The following TSHZ2 variants were observed in gnomAD, a reference collection of about 807,000 sequenced individuals.
The protein encoded by TSHZ2 is teashirt homolog 2.
TSHZ2 carries 21 observed loss-of-function variants against 74.4 expected under a neutral mutation model. That is an observed-to-expected ratio of 0.28 (90% CI 0.20 to 0.41). TSHZ2 has a LOEUF of 0.41. TSHZ2 is among the 10% of genes least tolerant of loss of function. The pLI, the probability that TSHZ2 is intolerant of heterozygous loss-of-function variation, is 1.00. For missense variants in TSHZ2, 1,244 were observed against 1,293.5 expected, an observed-to-expected ratio of 0.96 and a Z score of 0.59; for synonymous variants, 540 against 515.3, an observed-to-expected ratio of 1.05 and a Z score of -0.65.
At chr20:53,199,245 C>T (rs973106111) in intron 1 of TSHZ2, among the ~76,000 whole-genome samples, 1 of 152,012 alleles carries the variant, frequency 6.6e-6, no homozygotes, top group Admixed American at 6.5e-5. Flanking sequence ...TTCCTGTAAT[C>T]CCAGCACTTT....
At chr20:52,973,747 T>G (rs560846369) in intron 1 of TSHZ2, among the ~76,000 whole-genome samples, 1 of 152,084 alleles carries the variant, frequency 6.6e-6, no homozygotes, top group South Asian at 2.1e-4. Flanking sequence ...CTCCTCTCAC[T>G]GGGGCTTGGG....
chr20:53,345,426 C>T (rs928278495), intron 2 of TSHZ2, among the ~76,000 whole-genome samples: 1 of 152,004 alleles, frequency 6.6e-6, no homozygotes, highest in African/African-American at 2.4e-5. Context: ...TGTCTGGTCC[C>T]CCGTCCCCCA....
intron 1 of TSHZ2, among the ~76,000 whole-genome samples, chr20:53,122,422 A>C (rs1487151798): frequency 6.6e-6 from 1 of 152,202 alleles, no homozygotes; most frequent in Non-Finnish European, 1.5e-5. Context: ...AAAAAACGAA[A>C]GATCTACAAA....
chr20:53,008,712 G>C (rs943277911), intron 1 of TSHZ2, among the ~76,000 whole-genome samples: 2 of 152,004 alleles, frequency 1.3e-5, no homozygotes, highest in Non-Finnish European at 2.9e-5. Context: ...TCGATATAAA[G>C]GCCAACTTAG....
At chr20:53,360,351 C>T (rs1364943742) in intron 2 of TSHZ2, among the ~76,000 whole-genome samples, 2 of 152,170 alleles carry the variant, frequency 1.3e-5, no homozygotes, top group Non-Finnish European at 2.9e-5. Flanking sequence ...ATTGGTGGAA[C>T]GTGCTCATCT....
At chr20:53,110,408 C>A (rs1215635806) in intron 1 of TSHZ2, among the ~76,000 whole-genome samples, 1 of 152,126 alleles carries the variant, frequency 6.6e-6, no homozygotes, top group Non-Finnish European at 1.5e-5. Flanking sequence ...TCTTCTCTAT[C>A]CCTTTAGCAT....
chr20:53,240,163 T>C (rs1221005685), intron 1 of TSHZ2, among the ~76,000 whole-genome samples: 1 of 152,110 alleles, frequency 6.6e-6, no homozygotes, highest in East Asian at 1.9e-4. Context: ...TATATGAAAA[T>C]AGGAAAAACA....
At chr20:53,432,477 G>A (rs1480354708) in intron 2 of TSHZ2, among the ~76,000 whole-genome samples, 2 of 152,154 alleles carry the variant, frequency 1.3e-5, no homozygotes, top group African/African-American at 4.8e-5. Context: ...ATTTTCCTAT[G>A]AGTAGATACC....
chr20:53,416,822 C>T lies in TSHZ2; in HGVS notation c.*9-70322C>T, dbSNP rs189431551. On this transcript the variant is annotated intron_variant, in intron 2 of 2. Coordinates refer to ENST00000371497, the MANE Select transcript of TSHZ2 (RefSeq NM_173485.6). ...TCCATTGATTCTGTTTTGACTGGCA[C>T]ACCCCTTGGATTGCATCCCCAAATG... Among the ~76,000 whole-genome samples, 30 of 152,368 alleles carry T rather than the reference C, an allele frequency of 2.0e-4. 1 individual carries two copies. Among genetic ancestry groups the T allele is most frequent in the Admixed American group, 1.8e-3 (28 of 15,312 alleles).
rs112344778 is a variant in TSHZ2, at chr20:53,256,713, A to G, written c.*8+142A>G. 745 of 1,355,026 alleles carry G rather than the reference A, an allele frequency of 5.5e-4. 1 individual carries two copies. In the African/African-American group the frequency reaches 6.8e-3, roughly 12 times the overall value. 83.9% of individuals were successfully genotyped at this position (1,355,026 alleles called of 1,614,324 possible). On this transcript the variant is annotated intron_variant, in intron 2 of 2. Transcript: ENST00000371497. This position sits in a 1 kb window ranked among gnomAD's most constrained non-coding sequence, Gnocchi z 4.3. ...GGAGTAGGATTTATTTTAATGAAAG[A>G]CCAGAACATGAAAACTAAGTCCTAA... is the stretch of plus-strand genomic sequence containing the variant.
At chr20:53,410,417 G>A (rs1983011218) in intron 2 of TSHZ2, among the ~76,000 whole-genome samples, 1 of 152,162 alleles carries the variant, frequency 6.6e-6, no homozygotes, top group South Asian at 2.1e-4. Flanking sequence ...GCACCTGTAA[G>A]TTATGCCAAG....
At chr20:53,394,758 T>G (rs1982380583) in intron 2 of TSHZ2, among the ~76,000 whole-genome samples, 1 of 99,826 alleles carries the variant, frequency 1.0e-5, no homozygotes, top group African/African-American at 7.9e-5. Context: ...AATCAATCTG[T>G]CTCAAAAAAA....
At chr20:53,248,981 G>A (rs559284651) in intron 1 of TSHZ2, among the ~76,000 whole-genome samples, 1 of 151,960 alleles carries the variant, frequency 6.6e-6, no homozygotes, top group South Asian at 2.1e-4. Flanking sequence ...GGGATTACAA[G>A]CGTGTGCCAC....
intron 2 of TSHZ2, among the ~76,000 whole-genome samples, chr20:53,342,788 A>G (rs554859452): frequency 1.3e-5 from 2 of 151,874 alleles, no homozygotes; most frequent in East Asian, 1.9e-4. Context: ...TTAAAGATTG[A>G]CCCGTTTGGA....
In TSHZ2 at chr20:53,321,893, T is replaced by G. The variant is rs901509073; in HGVS notation, c.*8+65322T>G. Among the ~76,000 whole-genome samples the G allele has an allele frequency of 3.3e-5, 5 of 152,164 alleles. No homozygotes were observed. The South Asian group carries it at 1.0e-3, about 32-fold the overall frequency. On this transcript the variant is annotated intron_variant, in intron 2 of 2. Coordinates refer to ENST00000371497, the MANE Select transcript of TSHZ2 (RefSeq NM_173485.6). ...AGAGAAGGCACAAGCCTGATTTTCA[T>G]GGGGAGTCCCTGTGAGCTGGATCTG...
At chr20:53,248,948 C>A (rs1324398484) in intron 1 of TSHZ2, among the ~76,000 whole-genome samples, 1 of 152,126 alleles carries the variant, frequency 6.6e-6, no homozygotes, top group East Asian at 1.9e-4. Context: ...AGTGGTTCTC[C>A]TGCCTCAGCC....
chr20:53,377,667 C>G (rs6097383), intron 2 of TSHZ2, among the ~76,000 whole-genome samples: 1 of 151,752 alleles, frequency 6.6e-6, no homozygotes, highest in African/African-American at 2.4e-5. Context: ...CGAGAGACGC[C>G]TGAGCAACAC....
At chr20:53,385,774 C>T (rs368293803) in intron 2 of TSHZ2, among the ~76,000 whole-genome samples, 8 of 152,074 alleles carry the variant, frequency 5.3e-5, no homozygotes, top group South Asian at 2.1e-4. Context: ...GGGATAACAA[C>T]GAGGAACAAA....
intron 1 of TSHZ2, among the ~76,000 whole-genome samples, chr20:53,241,533 G>A (rs1237430110): frequency 1.3e-5 from 2 of 152,110 alleles, no homozygotes; most frequent in Non-Finnish European, 1.5e-5. Context: ...TGAATTGATT[G>A]AGAATAATGT....
Sources: allele counts gnomAD v4.1 joint callset (sites outside exome capture counted in the v4.1 genomes callset), GRCh38; gene constraint gnomAD v4.1.1; non-coding constraint Gnocchi (gnomAD v3.1); transcripts MANE v1.5; gene names NCBI Gene and HGNC (gene_info 2026-07-23, HGNC 2026-07-21).